The following ANKRD17 variants were observed in gnomAD, a reference collection of about 807,000 sequenced individuals.
The protein encoded by ANKRD17 is ankyrin repeat domain-containing protein 17.
A neutral mutation model predicts 229.7 loss-of-function variants in ANKRD17; 19 were observed. The ratio of observed to expected loss-of-function variants is 0.08; its 90% CI spans 0.06 to 0.12. ANKRD17 has a LOEUF of 0.12. Among genes scored for constraint, ANKRD17 ranks in the 10% least tolerant of loss-of-function variants. The pLI is 1.00. For missense variants in ANKRD17, 2,176 were observed against 3,176.8 expected (o/e 0.68, Z 7.57); for synonymous variants, 1,112 against 1,146.1 (o/e 0.97, Z 0.60).
Position 73,258,533 on chromosome 4 carries a change from G to A in ANKRD17, c.136C>T (p.Arg46Cys), listed in dbSNP as rs1237041802. 6.6e-7 allele frequency: 1 copy of A among 1,523,200 alleles called. No homozygotes were observed. Among genetic ancestry groups the A allele is most frequent in the East Asian group, 2.6e-5 (1 of 39,144 alleles). The allele number at this position is 1,523,200 out of a possible 1,614,324, so 94.4% of individuals were successfully genotyped here. A position where few individuals can be genotyped will look rare whatever the true frequency, so the allele number is the denominator to read the frequency against. Reference protein sequence around the residue: ...GGGVGGSSRARSASSPRGMVR... With the variant: ...GGGVGGSSRACSASSPRGMVR... Reference sequence around the variant, plus strand: ...ATCCCACGAGGAGACGAGGCCGAGCGAGCTCTGCTGCTGCCGCCAACGCCG... The same window carrying A: ...ATCCCACGAGGAGACGAGGCCGAGCAAGCTCTGCTGCTGCCGCCAACGCCG... The change falls in exon 1 of 34, where the codon CGC (arginine) becomes TGC (cysteine). Residue 46 changes from arginine (R) to cysteine (C), a missense_variant. Physicochemically the swap from Arg to Cys is radical, Grantham distance 180. Around this residue, in one of 18 missense-constraint regions of ANKRD17, gnomAD observed 196 missense variants for 190.0 expected, o/e 1.03. Coordinates refer to ENST00000358602, the MANE Select transcript of ANKRD17 (RefSeq NM_032217.5).
chr4:73,097,487 C>T (rs112222824), intron 26 of ANKRD17, among the ~76,000 whole-genome samples: 2,883 of 150,112 alleles, frequency 0.019, 93 homozygotes, highest in African/African-American at 0.067. Flanking sequence ...CAGGCTGGAG[C>T]GCAACAGTGC....
Position 73,142,776 on chromosome 4 carries a change from GA to G in ANKRD17, c.1958-10del. 1 of 1,594,816 alleles carries G rather than the reference GA, an allele frequency of 6.3e-7. No homozygotes were observed. Among genetic ancestry groups the G allele is most frequent in the Non-Finnish European group, 8.5e-7 (1 of 1,171,676 alleles). ...TCTATTCACATTCGCTCCTAAAACA[GA>G]AAAGGCATGGAAAATCATATTAGTA... On this transcript the variant is annotated splice_polypyrimidine_tract_variant and intron_variant, in intron 11 of 33. Transcript: ENST00000358602.
At chr4:73,110,762 A>C (rs1250239313) in intron 24 of ANKRD17, among the ~76,000 whole-genome samples, 1 of 152,220 alleles carries the variant, frequency 6.6e-6, no homozygotes, top group African/African-American at 2.4e-5. Flanking sequence ...ATAATTAAAA[A>C]TTTTACATAT....
chr4:73,100,963 T>C (rs1194416332), intron 25 of ANKRD17: 1 of 985,038 alleles, frequency 1.0e-6, no homozygotes, highest in Non-Finnish European at 1.2e-6. Flanking sequence ...TTGAAAGTAT[T>C]CAAAAAACAA....
intron 29 of ANKRD17, among the ~76,000 whole-genome samples, chr4:73,089,519 C>T (rs1722554145): frequency 6.6e-6 from 1 of 151,956 alleles, no homozygotes; most frequent in South Asian, 2.1e-4. Context: ...TTAGATCCTA[C>T]AATAGAAAAA....
At chr4:73,115,992 A>G in intron 22 of ANKRD17, 76 bp from the exon 23 acceptor site, 1 of 1,246,566 alleles carries the variant, frequency 8.0e-7, no homozygotes, top group South Asian at 1.2e-5. Context: ...ACTAACTTTA[A>G]CAGTTAAGAT....
chr4:73,077,228 G>A (rs1401122296), intron 32 of ANKRD17, 124 bp from the exon 33 acceptor site: 2 of 1,314,502 alleles, frequency 1.5e-6, no homozygotes, highest in Non-Finnish European at 2.0e-6. Flanking sequence ...ACTTATCTAA[G>A]AAATCTAAAA....
At chr4:73,165,979 C>T (rs1733177179) in intron 2 of ANKRD17, among the ~76,000 whole-genome samples, 1 of 152,202 alleles carries the variant, frequency 6.6e-6, no homozygotes, top group African/African-American at 2.4e-5. Flanking sequence ...CTGATATCAG[C>T]CTTGAGACCA....
chr4:73,112,696 T>C (rs1560533017), intron 24 of ANKRD17: 2 of 772,602 alleles, frequency 2.6e-6, no homozygotes, highest in African/African-American at 3.8e-5. Flanking sequence ...AGCTAACAAG[T>C]CAAAAAACGC....
intron 1 of ANKRD17, among the ~76,000 whole-genome samples, chr4:73,193,943 C>A (rs146618358): frequency 0.01 from 1,566 of 152,028 alleles, 29 homozygotes; most frequent in African/African-American, 0.034. Context: ...AAAACAACAA[C>A]AAAAAAATCA....
At chr4:73,199,483 T>C (rs1023154075) in intron 1 of ANKRD17, among the ~76,000 whole-genome samples, 1 of 152,166 alleles carries the variant, frequency 6.6e-6, no homozygotes, top group Non-Finnish European at 1.5e-5. Flanking sequence ...ACATCAACTG[T>C]AGAGGCATAC....
chr4:73,155,908 C>T, intron 4 of ANKRD17, 111 bp downstream of exon 4: 1 of 1,478,992 alleles, frequency 6.8e-7, no homozygotes, highest in Admixed American at 2.3e-5. Context: ...TCTAACAAAA[C>T]TATTTGTTGA....
chr4:73,079,840 C>T (rs184549666), intron 30 of ANKRD17, among the ~76,000 whole-genome samples: 4 of 152,196 alleles, frequency 2.6e-5, no homozygotes, highest in Admixed American at 1.3e-4. Flanking sequence ...ATTGGCCGGG[C>T]GCGGTGGCAC....
rs180844066 is a variant in ANKRD17, at chr4:73,129,848, C to T, written c.3235-4536G>A. ...GGCTCACTCAGCTCACTGCAAGCTC[C>T]GTCTCCCAGGTTTGCGCCATTCTCC... On this transcript the variant is annotated intron_variant, in intron 16 of 33. Coordinates refer to ENST00000358602, the MANE Select transcript of ANKRD17 (RefSeq NM_032217.5). Among the ~76,000 whole-genome samples the T allele has an allele frequency of 4.0e-5, 6 of 151,308 alleles. No individual in the cohort carries two copies. The East Asian group carries it at 7.8e-4, about 20-fold the overall frequency.
chr4:73,242,146 A>G (rs1043257172), intron 1 of ANKRD17, among the ~76,000 whole-genome samples: 11 of 152,188 alleles, frequency 7.2e-5, no homozygotes, highest in African/African-American at 2.7e-4. Context: ...TCACGCAATA[A>G]GAGAACAAAA....
chr4:73,164,669 A>G (rs1478827874), intron 2 of ANKRD17, among the ~76,000 whole-genome samples: 2 of 152,146 alleles, frequency 1.3e-5, no homozygotes, highest in Admixed American at 6.5e-5. Flanking sequence ...GCATGCGCCT[A>G]TAGTCCCAGC....
intron 1 of ANKRD17, among the ~76,000 whole-genome samples, chr4:73,195,262 T>C (rs1213172641): frequency 6.6e-6 from 1 of 152,182 alleles, no homozygotes; most frequent in African/African-American, 2.4e-5. Context: ...TGTTGGACTG[T>C]TTGCTAATAT....
At chr4:73,219,882 A>T (rs1349176578) in intron 1 of ANKRD17, among the ~76,000 whole-genome samples, 1 of 152,186 alleles carries the variant, frequency 6.6e-6, no homozygotes, top group Non-Finnish European at 1.5e-5. Context: ...ATCTGAACTT[A>T]ATCAAAATTA....
At chr4:73,196,753 A>C (rs747381790) in intron 1 of ANKRD17, among the ~76,000 whole-genome samples, 10 of 152,224 alleles carry the variant, frequency 6.6e-5, no homozygotes, top group African/African-American at 2.4e-4. Context: ...TAAGTAACTC[A>C]TAAGTAAATA....
Sources: allele counts gnomAD v4.1 joint callset (sites outside exome capture counted in the v4.1 genomes callset), GRCh38; gene constraint gnomAD v4.1.1; regional missense constraint gnomAD v4.1.1; transcripts MANE v1.5; gene names NCBI Gene and HGNC (gene_info 2026-07-23, HGNC 2026-07-21).